The following SLC2A13 variants were observed in gnomAD, a reference collection of about 807,000 sequenced individuals.
SLC2A13 encodes the protein proton myo-inositol cotransporter.
Under a neutral mutation model 64.4 loss-of-function variants are expected in SLC2A13, and 32 were observed. The observed-to-expected ratio is 0.50, with a 90% CI of 0.37 to 0.67. The LOEUF is 0.67. Among genes scored for constraint, SLC2A13 ranks in the 30% least tolerant of loss-of-function variants. The pLI is 0.00. For missense variants in SLC2A13, 743 were observed against 829.2 expected (o/e 0.90, Z 1.28); for synonymous variants, 338 against 327.1 (o/e 1.03, Z -0.36).
chr12:39,766,837 C>A (rs185310379), intron 7 of SLC2A13, among the ~76,000 whole-genome samples: 15 of 152,178 alleles, frequency 9.9e-5, no homozygotes, highest in East Asian at 5.8e-4. Context: ...GAGATTGCAG[C>A]AATTCAGTCA....
intron 4 of SLC2A13, among the ~76,000 whole-genome samples, chr12:39,917,646 G>T (rs570334747): frequency 2.0e-5 from 3 of 152,020 alleles, no homozygotes; most frequent in Non-Finnish European, 4.4e-5. Context: ...ATCTCCTCCT[G>T]CCCTGGGACT....
intron 1 of SLC2A13, among the ~76,000 whole-genome samples, chr12:40,071,235 T>C (rs978717755): frequency 1.3e-5 from 2 of 152,166 alleles, no homozygotes; most frequent in Non-Finnish European, 2.9e-5. Flanking sequence ...ATTCTTCTTA[T>C]TTTACTATTT....
At chr12:39,896,090 G>A (rs201491100) in intron 4 of SLC2A13, among the ~76,000 whole-genome samples, 6 of 106,744 alleles carry the variant, frequency 5.6e-5, no homozygotes, top group African/African-American at 1.8e-4. Context: ...GTACATATAT[G>A]TATACACGTG....
intron 3 of SLC2A13, among the ~76,000 whole-genome samples, chr12:39,973,687 TAAGC>T (rs1297666613): frequency 3.3e-5 from 5 of 152,186 alleles, no homozygotes; most frequent in Non-Finnish European, 1.5e-5. Context: ...CCCAGGTGCT[TAAGC>T]AACTAGAGTC....
At chr12:39,858,778 T>G (rs543415832) in intron 6 of SLC2A13, among the ~76,000 whole-genome samples, 12 of 152,100 alleles carry the variant, frequency 7.9e-5, no homozygotes, top group South Asian at 2.1e-4. Context: ...GGCTAATTTT[T>G]TGTATTTTTG....
At chr12:39,844,713 A>G (rs1440240390) in intron 6 of SLC2A13, among the ~76,000 whole-genome samples, 1 of 152,084 alleles carries the variant, frequency 6.6e-6, no homozygotes, top group Non-Finnish European at 1.5e-5. Flanking sequence ...GAAAGAAGCA[A>G]GTGGGGTCTC....
chr12:39,938,022 TC>T (rs886213456), intron 4 of SLC2A13, among the ~76,000 whole-genome samples: 5 of 152,154 alleles, frequency 3.3e-5, no homozygotes, highest in Non-Finnish European at 7.4e-5. Context: ...ATTTTGTGTC[TC>T]CAGAGGATGC....
intron 2 of SLC2A13, among the ~76,000 whole-genome samples, chr12:40,029,908 C>T (rs1947878310): frequency 1.3e-5 from 2 of 152,196 alleles, no homozygotes; most frequent in Non-Finnish European, 2.9e-5. Context: ...CCACAGAGCA[C>T]ACAGTTTAAC....
At chr12:40,071,739 CCTTT>C (rs1234718644) in intron 1 of SLC2A13, among the ~76,000 whole-genome samples, 1 of 152,022 alleles carries the variant, frequency 6.6e-6, no homozygotes, top group Non-Finnish European at 1.5e-5. Flanking sequence ...TCATAGTATT[CCTTT>C]GTCATTTTTA....
intron 4 of SLC2A13, among the ~76,000 whole-genome samples, chr12:39,915,101 T>TA (rs1945501654): frequency 1.3e-5 from 2 of 151,918 alleles, no homozygotes; most frequent in Non-Finnish European, 2.9e-5. Context: ...AGCATATGGA[T>TA]AAAATGCAGC....
At chr12:39,972,255 T>C (rs1001435383) in intron 3 of SLC2A13, among the ~76,000 whole-genome samples, 8 of 151,654 alleles carry the variant, frequency 5.3e-5, no homozygotes, top group Non-Finnish European at 8.8e-5. Context: ...GAACAGCACT[T>C]ATGGCCAAAG....
chr12:39,933,710 T>A (rs889863247), intron 4 of SLC2A13, among the ~76,000 whole-genome samples: 1 of 151,992 alleles, frequency 6.6e-6, no homozygotes, highest in African/African-American at 2.4e-5. Flanking sequence ...GCAAAAGAAA[T>A]AGATATGAGG....
chr12:39,926,684 T>C (rs1687277502), intron 4 of SLC2A13, among the ~76,000 whole-genome samples: 1 of 152,178 alleles, frequency 6.6e-6, no homozygotes, highest in Non-Finnish European at 1.5e-5. Flanking sequence ...GGCCCAATCA[T>C]AGCTCAATGA....
rs967663863 is a variant in SLC2A13, at chr12:40,011,398, T to C, written c.925+16903A>G. Among the ~76,000 whole-genome samples, 33 of 152,270 alleles carry C rather than the reference T, an allele frequency of 2.2e-4. 1 individual carries two copies. Among genetic ancestry groups the C allele is most frequent in the African/African-American group, 7.7e-4 (32 of 41,546 alleles). Reference sequence around the variant, plus strand: ...GTGAGGGTGGATCAGGAGCTTTCAGTTTCTAATAAACTTTCTTGGGTCCTT... The same window carrying C: ...GTGAGGGTGGATCAGGAGCTTTCAGCTTCTAATAAACTTTCTTGGGTCCTT... On this transcript the variant is annotated intron_variant, in intron 3 of 9. Transcript: ENST00000280871.
At chr12:39,957,110 A>AAT (rs1337033290) in intron 3 of SLC2A13, among the ~76,000 whole-genome samples, 1 of 152,190 alleles carries the variant, frequency 6.6e-6, no homozygotes, top group African/African-American at 2.4e-5. Context: ...TGGATTATCT[A>AAT]ATACTTCAAT....
At chr12:39,818,048 A>T (rs529341179) in intron 7 of SLC2A13, among the ~76,000 whole-genome samples, 1 of 152,278 alleles carries the variant, frequency 6.6e-6, no homozygotes, top group African/African-American at 2.4e-5. Context: ...TTTAACTTCT[A>T]CAGATGTTTC....
chr12:39,856,579 G>A (rs1162809601), intron 6 of SLC2A13, among the ~76,000 whole-genome samples: 1 of 152,122 alleles, frequency 6.6e-6, no homozygotes, highest in African/African-American at 2.4e-5. Flanking sequence ...GTGTTGGCCA[G>A]GATGGTCTCG....
intron 2 of SLC2A13, among the ~76,000 whole-genome samples, chr12:40,045,671 T>C (rs1401318586): frequency 6.6e-6 from 1 of 152,114 alleles, no homozygotes; most frequent in Non-Finnish European, 1.5e-5. Context: ...GTTAATACTT[T>C]GGTCTATATA....
At chr12:40,043,050 C>G (rs1268074882) in intron 2 of SLC2A13, among the ~76,000 whole-genome samples, 1 of 149,640 alleles carries the variant, frequency 6.7e-6, no homozygotes, top group African/African-American at 2.5e-5. Context: ...TCGGGGGCAA[C>G]ACTAGTTAGA....
Sources: gnomAD v4.1 joint callset for allele counts (sites outside exome capture counted in the v4.1 genomes callset) on GRCh38, gnomAD v4.1.1 for gene constraint, MANE v1.5 for transcripts, NCBI Gene and HGNC (gene_info 2026-07-23, HGNC 2026-07-21) for gene names.